ZNF331: variants seen among roughly 807,000 people sequenced by gnomAD.
ZNF331 encodes the protein C2H2-like zinc finger protein rearranged in thyroid adenomas.
A neutral mutation model predicts 7.0 loss-of-function variants in ZNF331; 2 were observed. The observed-to-expected ratio is 0.29, with a 90% confidence interval of 0.12 to 0.90. ZNF331 has a LOEUF of 0.90. Ranked by LOEUF, ZNF331 falls within the 40% of genes least tolerant of loss-of-function variation. ZNF331 has a pLI of 0.58. For missense variants in ZNF331, 432 were observed against 587.7 expected (o/e 0.74, Z 2.74); for synonymous variants, 196 against 205.4 (o/e 0.95, Z 0.39).
chr19:53,540,478 G>A (rs2088075249), intron 2 of ZNF331, among the ~76,000 whole-genome samples: 1 of 151,956 alleles, frequency 6.6e-6, no homozygotes, highest in Middle Eastern at 3.2e-3. Flanking sequence ...TGTTGCCCAT[G>A]CTGGAGCGCA....
intron 3 of ZNF331, among the ~76,000 whole-genome samples, chr19:53,557,513 CAG>C (rs532730028): frequency 5.1e-4 from 77 of 152,126 alleles, no homozygotes; most frequent in Non-Finnish European, 9.6e-4. Context: ...CATTGGGGAA[CAG>C]AATTTCAATA....
chr19:53,562,912 C>T (rs769610036), intron 3 of ZNF331, among the ~76,000 whole-genome samples: 14 of 150,122 alleles, frequency 9.3e-5, no homozygotes, highest in African/African-American at 2.2e-4. Flanking sequence ...CGCTTGAACT[C>T]GGGAGGCAGA....
chr19:53,507,443 A>G, the ZNF331 span, among the ~76,000 whole-genome samples: 1 of 152,186 alleles, frequency 6.6e-6, no homozygotes, highest in Non-Finnish European at 1.5e-5. Context: ...TCTGGGAGGA[A>G]AATGGACCGG....
chr19:53,534,933 G>A (rs2087683320), upstream of ZNF331, among the ~76,000 whole-genome samples: 1 of 146,940 alleles, frequency 6.8e-6, no homozygotes, highest in South Asian at 2.1e-4. Context: ...TATAACAATG[G>A]TCTGTTTTCC....
intron 3 of ZNF331, among the ~76,000 whole-genome samples, chr19:53,568,243 C>CAA (rs543201090): frequency 2.2e-5 from 2 of 92,638 alleles, no homozygotes; most frequent in Non-Finnish European, 2.3e-5. Context: ...AGACTCCGTT[C>CAA]AAAAAAAAAA....
intron 2 of ZNF331, among the ~76,000 whole-genome samples, chr19:53,545,670 G>T (rs1201687009): frequency 1.3e-5 from 2 of 152,156 alleles, no homozygotes; most frequent in Non-Finnish European, 2.9e-5. Context: ...CATTGTCTCT[G>T]GGCTTCCTCT....
chr19:53,550,529 C>CTTTTTTTTTTTTTTTTTTTTTTTTTTTT, intron 2 of ZNF331, among the ~76,000 whole-genome samples: 1 of 64,540 alleles, frequency 1.5e-5, no homozygotes, highest in Non-Finnish European at 2.6e-5. Context: ...TCTATTTTGT[C>CTTTTTTTTTTTTTTTTTTTTTTTTTTTT]TTTTTTTTTT....
intron 3 of ZNF331, among the ~76,000 whole-genome samples, chr19:53,559,684 A>G (rs2089717091): frequency 6.8e-6 from 1 of 146,414 alleles, no homozygotes; most frequent in Non-Finnish European, 1.5e-5. Context: ...AAAACCATAC[A>G]CACATATACA....
chr19:53,546,450 T>A (rs2088621818), intron 2 of ZNF331, among the ~76,000 whole-genome samples: 1 of 152,056 alleles, frequency 6.6e-6, no homozygotes, highest in Non-Finnish European at 1.5e-5. Flanking sequence ...AGCCCTCTCC[T>A]TTGAGTATCC....
intron 5 of ZNF331, among the ~76,000 whole-genome samples, chr19:53,574,593 GGGTTAGCCTC>G (rs1449864599): frequency 1.3e-5 from 2 of 152,160 alleles, no homozygotes; most frequent in Admixed American, 6.6e-5. Flanking sequence ...TCCTGAAAGT[GGGTTAGCCTC>G]GCTTTAAGTG....
chr19:53,559,328 A>G (rs2089664943), intron 3 of ZNF331, among the ~76,000 whole-genome samples: 1 of 151,136 alleles, frequency 6.6e-6, no homozygotes, highest in African/African-American at 2.4e-5. Flanking sequence ...ACACCTACAT[A>G]TAGAGACACA....
intron 3 of ZNF331, among the ~76,000 whole-genome samples, chr19:53,561,765 A>T (rs762555140): frequency 2.1e-4 from 32 of 152,054 alleles, no homozygotes; most frequent in African/African-American, 7.7e-4. Flanking sequence ...AAGTGGGAGG[A>T]TCCCTTCAGC....
chr19:53,577,412 A>C lies in ZNF331; in HGVS notation c.852A>C (p.Ser284=). Residue 284 remains serine, a synonymous_variant, in exon 6 of 6, where the codon TCA becomes TCC. Coordinates refer to ENST00000449416, the MANE Select transcript of ZNF331 (RefSeq NM_001079906.2). ...KDCGKAFICG[S]SLIQHKRIHT... The stretch of plus-strand genomic sequence containing the variant: ...GTGGGAAGGCTTTTATTTGTGGTTC[A>C]AGCCTCATTCAGCATAAAAGAATTC... 6.2e-7 allele frequency: 1 copy of C among 1,614,056 alleles called. No individual in the cohort carries two copies. The highest frequency in any genetic ancestry group is 8.5e-7 in the Non-Finnish European group (1 of 1,179,992).
the ZNF331 span, among the ~76,000 whole-genome samples, chr19:53,507,143 G>A: frequency 1.3e-5 from 2 of 152,134 alleles, no homozygotes; most frequent in African/African-American, 4.8e-5. Context: ...GTCGACAAAA[G>A]TTGTAGATGA....
At chr19:53,506,110 T>C in the ZNF331 span, among the ~76,000 whole-genome samples, 1 of 150,300 alleles carries the variant, frequency 6.7e-6, no homozygotes. Context: ...CCGAGGCGGG[T>C]GGATCACGAG....
chr19:53,575,674 G>T (rs897383067), intron 5 of ZNF331, among the ~76,000 whole-genome samples: 1 of 149,388 alleles, frequency 6.7e-6, no homozygotes. Context: ...GGGTTTGTTT[G>T]TTTTTGTTTT....
intron 5 of ZNF331, among the ~76,000 whole-genome samples, chr19:53,576,283 G>A (rs1391705642): frequency 6.6e-6 from 1 of 152,148 alleles, no homozygotes; most frequent in African/African-American, 2.4e-5. Context: ...CACCACTCCC[G>A]GCCCTTTACC....
intron 2 of ZNF331, among the ~76,000 whole-genome samples, chr19:53,526,639 G>A (rs951727918): frequency 5.3e-5 from 8 of 151,360 alleles, no homozygotes; most frequent in South Asian, 2.1e-4. Context: ...TGCAAGCTCC[G>A]CCTCCCAGGT....
intron 2 of ZNF331, among the ~76,000 whole-genome samples, chr19:53,543,582 T>A (rs977978005): frequency 1.2e-4 from 19 of 152,192 alleles, no homozygotes; most frequent in Non-Finnish European, 2.1e-4. Flanking sequence ...ATGAATTTTT[T>A]AAAAATAAAA....
Sources: allele counts gnomAD v4.1 joint callset (sites outside exome capture counted in the v4.1 genomes callset), GRCh38; gene constraint gnomAD v4.1.1; transcripts MANE v1.5; gene names NCBI Gene and HGNC (gene_info 2026-07-23, HGNC 2026-07-21).